The following CFAP95 variants were observed in gnomAD, a reference collection of about 807,000 sequenced individuals.
CFAP95 encodes the protein cilia- and flagella-associated protein 95.
At chr9:69,844,541 C>G in the CFAP95 span, 1 of 1,598,294 alleles carries the variant, frequency 6.3e-7, no homozygotes, top group Non-Finnish European at 8.5e-7. Context: ...AAGCTTTTCC[C>G]AAAGGTTATG....
chr9:69,868,343 C>T, the CFAP95 span, among the ~76,000 whole-genome samples: 4 of 100,078 alleles, frequency 4.0e-5, no homozygotes, highest in Non-Finnish European at 6.3e-5. Flanking sequence ...AATGAGACTA[C>T]ATCAAACAAA....
the CFAP95 span, among the ~76,000 whole-genome samples, chr9:69,892,044 G>C: frequency 1.6e-4 from 24 of 152,194 alleles, no homozygotes; most frequent in African/African-American, 5.5e-4. Flanking sequence ...TACAGAGTTT[G>C]TTTTTCAAAA....
the CFAP95 span, chr9:69,886,782 G>T: frequency 0.87 from 1,157,099 of 1,333,986 alleles, 502,740 homozygotes; most frequent in Middle Eastern, 0.89. Flanking sequence ...CAATAAAAAT[G>T]TAAAATATTT....
the CFAP95 span, among the ~76,000 whole-genome samples, chr9:69,855,825 A>G: frequency 6.6e-6 from 1 of 152,214 alleles, no homozygotes; most frequent in African/African-American, 2.4e-5. Flanking sequence ...CTCTCTTTAA[A>G]AAACAACAAC....
the CFAP95 span, among the ~76,000 whole-genome samples, chr9:69,859,543 C>G: frequency 1.3e-5 from 2 of 152,280 alleles, no homozygotes; most frequent in East Asian, 3.9e-4. Context: ...CAAGCACCTG[C>G]TAATCAATCC....
the CFAP95 span, among the ~76,000 whole-genome samples, chr9:69,830,987 C>G: frequency 6.6e-6 from 1 of 152,164 alleles, no homozygotes; most frequent in East Asian, 1.9e-4. Flanking sequence ...AGGCATTAAT[C>G]TTTATTACTG....
At chr9:69,828,068 G>T in the CFAP95 span, among the ~76,000 whole-genome samples, 26 of 152,142 alleles carry the variant, frequency 1.7e-4, no homozygotes, top group Admixed American at 1.7e-3. Flanking sequence ...GGAGCTTCTG[G>T]TTCTTGTTAA....
At chr9:69,886,671 T>C in the CFAP95 span, among the ~76,000 whole-genome samples, 2 of 152,160 alleles carry the variant, frequency 1.3e-5, no homozygotes, top group African/African-American at 2.4e-5. Context: ...CTGCTGCTGG[T>C]GGGCAATACT....
the CFAP95 span, among the ~76,000 whole-genome samples, chr9:69,832,992 A>T: frequency 6.6e-6 from 1 of 152,112 alleles, no homozygotes; most frequent in Admixed American, 6.6e-5. Flanking sequence ...TTTGATGGTT[A>T]TATCCTATTT....
chr9:69,887,758 G>A, the CFAP95 span, among the ~76,000 whole-genome samples: 1 of 152,232 alleles, frequency 6.6e-6, no homozygotes, highest in Non-Finnish European at 1.5e-5. Flanking sequence ...CATGGCAAAA[G>A]TGACTGTGTG....
At chr9:69,888,447 G>A in the CFAP95 span, among the ~76,000 whole-genome samples, 1 of 152,064 alleles carries the variant, frequency 6.6e-6, no homozygotes, top group Non-Finnish European at 1.5e-5. Flanking sequence ...TAATATATGG[G>A]CAGTTTACAA....
At chr9:69,846,235 G>A in the CFAP95 span, among the ~76,000 whole-genome samples, 1 of 152,140 alleles carries the variant, frequency 6.6e-6, no homozygotes. Context: ...TGGGGGAAGT[G>A]AGATGAAGCG....
chr9:69,864,023 G>T, the CFAP95 span, among the ~76,000 whole-genome samples: 1 of 151,962 alleles, frequency 6.6e-6, no homozygotes, highest in Non-Finnish European at 1.5e-5. Flanking sequence ...AGGTCCATGG[G>T]GCCCTGAGTT....
chr9:69,901,736 T>C, the CFAP95 span, among the ~76,000 whole-genome samples: 10 of 152,176 alleles, frequency 6.6e-5, no homozygotes, highest in Non-Finnish European at 1.3e-4. Flanking sequence ...ATGGTATTTC[T>C]AGTTCTAGAT....
chr9:69,894,715 C>T, the CFAP95 span, among the ~76,000 whole-genome samples: 3 of 152,216 alleles, frequency 2.0e-5, no homozygotes, highest in South Asian at 4.1e-4. Context: ...TTGCAAAACA[C>T]GACTCAAAAC....
At chr9:69,821,987 C>T in the CFAP95 span, among the ~76,000 whole-genome samples, 1 of 152,142 alleles carries the variant, frequency 6.6e-6, no homozygotes, top group African/African-American at 2.4e-5. Context: ...ACTTCTTGTG[C>T]TTTAGAACTT....
the CFAP95 span, among the ~76,000 whole-genome samples, chr9:69,833,760 T>C: frequency 6.6e-6 from 1 of 152,202 alleles, no homozygotes; most frequent in African/African-American, 2.4e-5. Context: ...TTGTTTCATT[T>C]CCTTTGCTGT....
At chr9:69,863,451 G>A in the CFAP95 span, among the ~76,000 whole-genome samples, 1 of 152,044 alleles carries the variant, frequency 6.6e-6, no homozygotes, top group Non-Finnish European at 1.5e-5. Flanking sequence ...GTTTTTATTT[G>A]CCTTCCTACC....
the CFAP95 span, among the ~76,000 whole-genome samples, chr9:69,850,455 C>T: frequency 6.6e-6 from 1 of 152,230 alleles, no homozygotes; most frequent in East Asian, 1.9e-4. Flanking sequence ...AAGCCTAAAT[C>T]TGAGCTGTTT....
Sources: gnomAD v4.1 joint callset for allele counts (sites outside exome capture counted in the v4.1 genomes callset) on GRCh38, gnomAD v4.1.1 for gene constraint, MANE v1.5 for transcripts, NCBI Gene and HGNC (gene_info 2026-07-23, HGNC 2026-07-21) for gene names.